The following RAPH1 variants were observed in gnomAD, a reference collection of about 807,000 sequenced individuals.
RAPH1 encodes ras-associated and pleckstrin homology domains-containing protein 1.
Under a neutral mutation model 88.1 loss-of-function variants are expected in RAPH1, and 18 were observed. That is an observed-to-expected ratio of 0.20 (90% CI 0.14 to 0.30). The LOEUF is 0.30. RAPH1 is among the 10% of genes least tolerant of loss of function. RAPH1 has a pLI of 1.00. For synonymous variants in RAPH1, 587 were observed against 559.0 expected (o/e 1.05, Z -0.71); for missense variants, 1,448 against 1,543.2 (o/e 0.94, Z 1.03).
At chr2:203,450,674 C>T (rs1163680538) in intron 10 of RAPH1, among the ~76,000 whole-genome samples, 5 of 152,334 alleles carry the variant, frequency 3.3e-5, no homozygotes, top group African/African-American at 1.2e-4. Context: ...GAAAAGAGCT[C>T]TGTTAGTGTT....
chr2:203,499,644 C>T (rs1688655237), intron 1 of RAPH1, among the ~76,000 whole-genome samples: 1 of 152,008 alleles, frequency 6.6e-6, no homozygotes, highest in African/African-American at 2.4e-5. Flanking sequence ...ACCCAGGAGG[C>T]AGAGGCTGCA....
At chr2:203,493,585 G>C (rs1333427314) in intron 2 of RAPH1, among the ~76,000 whole-genome samples, 1 of 152,146 alleles carries the variant, frequency 6.6e-6, no homozygotes, top group Non-Finnish European at 1.5e-5. Context: ...GAATTTGGCA[G>C]TTACAGACAT....
At chr2:203,454,647 T>C in intron 9 of RAPH1, 107 bp from the exon 10 acceptor site, 2 of 698,858 alleles carry the variant, frequency 2.9e-6, no homozygotes, top group Non-Finnish European at 4.7e-6. Flanking sequence ...TTGCTAATAC[T>C]AAATAGAAAT....
At chr2:203,532,011 T>C (rs1690410470) in intron 1 of RAPH1, among the ~76,000 whole-genome samples, 1 of 152,132 alleles carries the variant, frequency 6.6e-6, no homozygotes, top group African/African-American at 2.4e-5. Flanking sequence ...ATAAATGTGG[T>C]ATATACATAC....
intron 10 of RAPH1, among the ~76,000 whole-genome samples, chr2:203,450,479 T>C (rs1355684211): frequency 1.3e-5 from 2 of 152,194 alleles, no homozygotes. Context: ...AATAGTGACC[T>C]TGAAAAAGCA....
chr2:203,498,857 A>G (rs1244173663), intron 1 of RAPH1, among the ~76,000 whole-genome samples: 1 of 152,170 alleles, frequency 6.6e-6, no homozygotes, highest in East Asian at 1.9e-4. Context: ...TGATGTTCAG[A>G]TCAATGACAG....
At chr2:203,520,497 C>T (rs1330779593) in intron 1 of RAPH1, among the ~76,000 whole-genome samples, 1 of 151,940 alleles carries the variant, frequency 6.6e-6, no homozygotes, top group East Asian at 1.9e-4. Context: ...CATGGTGGTA[C>T]TTGCCTGTAG....
At position 203,448,976 on chromosome 2, in the gene RAPH1, T is replaced by G; in HGVS notation, c.1414-140A>C. 4.7e-6 allele frequency: 2 copies of G among 422,852 alleles called. No homozygotes were observed. Among genetic ancestry groups the G allele is most frequent in the Middle Eastern group, 5.9e-4 (1 of 1,690 alleles). The allele number at this position is 422,852 out of a possible 1,614,324, so 26.2% of individuals were successfully genotyped here. A position where few individuals can be genotyped will look rare whatever the true frequency, so the allele number is the denominator to read the frequency against. On this transcript the variant is annotated intron_variant, in intron 10 of 13. Transcript: ENST00000319170. The surrounding 1 kb of genome is among the most constrained non-coding windows in gnomAD (Gnocchi z 4.1). ...TACATTTATGCTTCTTATATGGCCA[T>G]AAGGCCAAATAAAGTAGCCCATAAG...
chr2:203,441,110 A>G lies in RAPH1; in HGVS notation c.2080T>C (p.Ser694Pro). The change falls in exon 14 of 14, where the codon TCA becomes CCA. Residue 694 changes from serine to proline, a missense_variant. Physicochemically the swap from Ser to Pro is moderately conservative, Grantham distance 74 (BLOSUM62 -1). Around this residue, in one of 2 missense-constraint regions of RAPH1, gnomAD observed 935 missense variants for 890.1 expected, o/e 1.05. Transcript: ENST00000319170. ...AGGATCTGAGGCTTCACTGACTGTG[A>G]CTGCATCACTGGGGGTGTTGGCGGC... is the stretch of plus-strand genomic sequence containing the variant. ...FKPPTPPVMQ[S>P]QSVKPQILVP... 6.2e-7 allele frequency: 1 copy of G among 1,608,672 alleles called. No homozygotes were observed. The highest frequency in any genetic ancestry group is 8.5e-7 in the Non-Finnish European group (1 of 1,177,454).
intron 1 of RAPH1, among the ~76,000 whole-genome samples, chr2:203,502,022 T>C (rs1688760242): frequency 6.6e-6 from 1 of 152,126 alleles, no homozygotes; most frequent in Non-Finnish European, 1.5e-5. Context: ...GTTCCTTTTG[T>C]AGACCAGTGC....
chr2:203,517,796 A>T (rs1689683630), intron 1 of RAPH1, among the ~76,000 whole-genome samples: 2 of 152,330 alleles, frequency 1.3e-5, no homozygotes, highest in South Asian at 4.1e-4. Flanking sequence ...TCTCAAAAGA[A>T]ATTTTAAAAA....
In RAPH1 at chr2:203,434,029, A is replaced by C. The variant is rs538594533; in HGVS notation, c.*5408T>G. 3.1e-4 allele frequency: 43 copies of C among 140,488 alleles called. 1 individual carries two copies. Among genetic ancestry groups the C allele is most frequent in the Middle Eastern group, 3.5e-3 (1 of 282 alleles). The allele number at this position is 140,488 out of a possible 1,614,324, so 8.7% of individuals were successfully genotyped here. A position where few individuals can be genotyped will look rare whatever the true frequency, so the allele number is the denominator to read the frequency against. On this transcript the variant is annotated 3_prime_UTR_variant, in exon 14 of 14. Coordinates refer to ENST00000319170, the MANE Select transcript of RAPH1 (RefSeq NM_213589.3). ...AAACATCCTCAGTAGTACTGAATAT[A>C]TCTCTCTCATATATCTATCTATCTA...
At chr2:203,470,317 G>T in intron 4 of RAPH1, 1 of 1,597,550 alleles carries the variant, frequency 6.3e-7, no homozygotes. Context: ...AGGAGTGCTT[G>T]TTCAGAAAAG....
intron 13 of RAPH1, chr2:203,441,861 A>ATAAC: frequency 7.4e-7 from 1 of 1,344,528 alleles, no homozygotes; most frequent in Non-Finnish European, 9.6e-7. Context: ...AGCAGATGCT[A>ATAAC]TAACTGGGTT....
chr2:203,526,790 CT>C (rs58295102), intron 1 of RAPH1, among the ~76,000 whole-genome samples: 118 of 136,852 alleles, frequency 8.6e-4, no homozygotes, highest in Non-Finnish European at 9.5e-4. Context: ...TTTTCTTTTT[CT>C]TTTTTTTTTT....
rs202168768 is a variant in RAPH1 at position 203,491,205 on chromosome 2, A to G, written c.226+9T>C. On this transcript the variant is annotated intron_variant, in intron 3 of 13. Coordinates refer to ENST00000319170, the MANE Select transcript of RAPH1 (RefSeq NM_213589.3). ...ACTATTTTACATTTTATTTCCAATT[A>G]CATCTTACCATTCAAGTTGTATATG... 1.9e-6 allele frequency: 3 copies of G among 1,569,776 alleles called. No homozygotes were observed. Among genetic ancestry groups the G allele is most frequent in the Non-Finnish European group, 2.6e-6 (3 of 1,140,700 alleles).
intron 7 of RAPH1, among the ~76,000 whole-genome samples, chr2:203,457,988 C>G (rs2098521167): frequency 1.3e-5 from 2 of 152,162 alleles, no homozygotes; most frequent in African/African-American, 4.8e-5. Context: ...GATCTAGGTG[C>G]AGAAAATTTA....
At chr2:203,504,892 G>A (rs950613753) in intron 1 of RAPH1, among the ~76,000 whole-genome samples, 2 of 152,162 alleles carry the variant, frequency 1.3e-5, no homozygotes, top group African/African-American at 2.4e-5. Context: ...TGCCGCCAGT[G>A]TCTTTGCTAA....
At chr2:203,483,014 G>A (rs1050024538) in intron 4 of RAPH1, among the ~76,000 whole-genome samples, 7 of 152,178 alleles carry the variant, frequency 4.6e-5, no homozygotes, top group African/African-American at 1.7e-4. Context: ...CTAAGAGGCA[G>A]GCTCTGGCTA....
Sources: allele counts gnomAD v4.1 joint callset (sites outside exome capture counted in the v4.1 genomes callset), GRCh38; gene constraint gnomAD v4.1.1; regional missense constraint gnomAD v4.1.1; non-coding constraint Gnocchi (gnomAD v3.1); transcripts MANE v1.5; gene names NCBI Gene and HGNC (gene_info 2026-07-23, HGNC 2026-07-21).